Variants in SH3KBP1 observed in about 807,000 individuals in gnomAD.
The protein encoded by SH3KBP1 is SH3 domain-containing kinase-binding protein 1.
A neutral mutation model predicts 50.1 loss-of-function variants in SH3KBP1; 8 were observed. The ratio of observed to expected loss-of-function variants is 0.16; its 90% confidence interval spans 0.09 to 0.29. SH3KBP1 has a LOEUF of 0.29. SH3KBP1 is among the 10% of genes least tolerant of loss of function. SH3KBP1 has a pLI of 1.00. For missense variants in SH3KBP1, 377 were observed against 535.2 expected (o/e 0.70, Z 2.92); for synonymous variants, 227 against 218.6 (o/e 1.04, Z -0.34).
intron 2 of SH3KBP1, chrX:19,799,506 T>C: frequency 1.6e-6 from 1 of 643,527 alleles, no homozygotes; most frequent in South Asian, 2.4e-5. Context: ...TTGGTCACCA[T>C]CTTGGAAGGA....
chrX:19,631,259 G>A (rs1033147340), intron 8 of SH3KBP1, among the ~76,000 whole-genome samples: 1 of 112,677 alleles, frequency 8.9e-6, no homozygotes, highest in Non-Finnish European at 1.9e-5. Flanking sequence ...CCTACTTGGT[G>A]AGTACCATTG....
chrX:19,548,833 G>GAGAGAGAGAA (rs2065159326), intron 14 of SH3KBP1, among the ~76,000 whole-genome samples: 1 of 110,597 alleles, frequency 9.0e-6, no homozygotes, highest in African/African-American at 3.3e-5. Flanking sequence ...TAAAGAGAGA[G>GAGAGAGAGAA]AGAGAGAGAG....
At chrX:19,739,014 G>GGA (rs1226478317) in intron 3 of SH3KBP1, among the ~76,000 whole-genome samples, 1,174 of 22,556 alleles carry the variant, frequency 0.052, 25 homozygotes, top group Non-Finnish European at 0.087. Flanking sequence ...CTGCCTCCAA[G>GGA]AAAAAAAAAA....
intron 1 of SH3KBP1, among the ~76,000 whole-genome samples, chrX:19,839,089 G>GT (rs2147444307): frequency 9.1e-6 from 1 of 109,520 alleles, no homozygotes; most frequent in Admixed American, 9.8e-5. Flanking sequence ...TGACATTGGT[G>GT]TAAGTGTGGA....
At chrX:19,829,617 G>A (rs7886500) in intron 2 of SH3KBP1, among the ~76,000 whole-genome samples, 1,329 of 106,520 alleles carry the variant, frequency 0.012, 19 homozygotes, top group African/African-American at 0.042. Context: ...ATGGTGGCAC[G>A]CACCTGTAGT....
At chrX:19,541,520 C>G (rs1245857454) in intron 16 of SH3KBP1, among the ~76,000 whole-genome samples, 1 of 112,176 alleles carries the variant, frequency 8.9e-6, no homozygotes, top group Admixed American at 9.4e-5. Flanking sequence ...CATCTGGCAG[C>G]TAAGTGAAGA....
intron 9 of SH3KBP1, among the ~76,000 whole-genome samples, chrX:19,604,968 C>T (rs2067198113): frequency 9.0e-6 from 1 of 111,661 alleles, no homozygotes; most frequent in African/African-American, 3.3e-5. Flanking sequence ...AAAGAGATGG[C>T]GGCTGCTTGT....
chrX:19,647,192 C>T (rs777789193), intron 6 of SH3KBP1, among the ~76,000 whole-genome samples: 88 of 110,200 alleles, frequency 8.0e-4, no homozygotes, highest in African/African-American at 2.8e-3. Flanking sequence ...CAAAAACAAC[C>T]AGTGCTTCTG....
chrX:19,837,701 A>G (rs2068097032), intron 1 of SH3KBP1, among the ~76,000 whole-genome samples: 1 of 110,272 alleles, frequency 9.1e-6, no homozygotes, highest in Non-Finnish European at 1.9e-5. Flanking sequence ...TCGGCTTCCC[A>G]AAGTGCTGGA....
Position 19,551,550 on chromosome X carries a change from C to CTT in SH3KBP1, c.1385-1469_1385-1468dup, listed in dbSNP as rs397800260. On this transcript the variant is annotated intron_variant, in intron 13 of 17. Coordinates refer to ENST00000397821, the MANE Select transcript of SH3KBP1 (RefSeq NM_031892.3). ...CTTTCTTTTCTTTCCCTCCCTCCCT[C>CTT]TTTTTTTTTTTTTTGACAGGGTCTT... Among the ~76,000 whole-genome samples the CTT allele has an allele frequency of 4.2e-3, 395 of 95,143 alleles. 14 individuals are homozygous for CTT. Among genetic ancestry groups the CTT allele is most frequent in the Middle Eastern group, 0.016 (3 of 193 alleles). 82.6% of individuals were successfully genotyped at this position (95,143 alleles called of 115,157 possible). A position where few individuals can be genotyped will look rare whatever the true frequency, so the allele number is the denominator to read the frequency against.
At chrX:19,790,915 C>T (rs775400381) in intron 2 of SH3KBP1, among the ~76,000 whole-genome samples, 2 of 111,036 alleles carry the variant, frequency 1.8e-5, no homozygotes, top group South Asian at 3.9e-4. Context: ...GGCATGTCAT[C>T]GAATACTCCC....
chrX:19,611,468 C>T (rs1159097418), intron 8 of SH3KBP1, among the ~76,000 whole-genome samples: 2 of 111,872 alleles, frequency 1.8e-5, no homozygotes, highest in East Asian at 5.6e-4. Context: ...ATTCTCCTGC[C>T]TCAGCCTCCC....
intron 2 of SH3KBP1, among the ~76,000 whole-genome samples, chrX:19,795,457 C>T (rs2066680438): frequency 3.6e-5 from 4 of 111,660 alleles, no homozygotes; most frequent in African/African-American, 9.8e-5. Flanking sequence ...AATTCTCACA[C>T]CCTAATGTTT....
intron 13 of SH3KBP1, among the ~76,000 whole-genome samples, chrX:19,559,831 AC>A (rs773335214): frequency 6.3e-5 from 7 of 111,527 alleles, no homozygotes; most frequent in African/African-American, 2.0e-4. Flanking sequence ...AGAACTTGCA[AC>A]CTGGAACTTG....
intron 2 of SH3KBP1, among the ~76,000 whole-genome samples, chrX:19,760,397 A>AATAAATACATAC (rs1556346919): frequency 1.0e-5 from 1 of 96,639 alleles, no homozygotes; most frequent in African/African-American, 4.1e-5. Context: ...AAAATAAATA[A>AATAAATACATAC]ATACATACAT....
intron 12 of SH3KBP1, among the ~76,000 whole-genome samples, chrX:19,580,849 C>T (rs2147916876): frequency 9.0e-6 from 1 of 111,698 alleles, no homozygotes; most frequent in African/African-American, 3.3e-5. Context: ...CTCTTTCCTC[C>T]TCCTGTTCTC....
intron 1 of SH3KBP1, among the ~76,000 whole-genome samples, chrX:19,850,479 A>G (rs908664340): frequency 1.8e-5 from 2 of 111,706 alleles, no homozygotes; most frequent in African/African-American, 6.5e-5. Context: ...TAAAAAATAC[A>G]TATAAGCTAC....
chrX:19,756,063 G>C (rs2065201788), intron 2 of SH3KBP1, among the ~76,000 whole-genome samples: 1 of 110,662 alleles, frequency 9.0e-6, no homozygotes, highest in African/African-American at 3.3e-5. Flanking sequence ...CTTTAACTCG[G>C]TGTCTGAGGA....
chrX:19,849,457 G>A (rs1238128405), intron 1 of SH3KBP1, among the ~76,000 whole-genome samples: 1 of 110,471 alleles, frequency 9.1e-6, no homozygotes, highest in Non-Finnish European at 1.9e-5. Context: ...GGGAGGCTGA[G>A]GTGGACGGAT....
Sources: gnomAD v4.1 joint callset for allele counts (sites outside exome capture counted in the v4.1 genomes callset) on GRCh38, gnomAD v4.1.1 for gene constraint, MANE v1.5 for transcripts, NCBI Gene and HGNC (gene_info 2026-07-23, HGNC 2026-07-21) for gene names.